The following AGBL4 variants were observed in gnomAD, a reference collection of about 807,000 sequenced individuals.
AGBL4 encodes AGBL carboxypeptidase 4, also known as cytosolic carboxypeptidase 6.
AGBL4 carries 58 observed loss-of-function variants against 66.4 expected under a neutral mutation model. The observed-to-expected ratio is 0.87, with a 90% CI of 0.71 to 1.09. AGBL4 has a LOEUF of 1.09. AGBL4 is among the 50% of genes least tolerant of loss of function. The pLI, the probability that AGBL4 is intolerant of heterozygous loss-of-function variation, is 0.00. For missense variants in AGBL4, 579 were observed against 631.0 expected, an observed-to-expected ratio of 0.92 and a Z score of 0.88; for synonymous variants, 234 against 222.9, an observed-to-expected ratio of 1.05 and a Z score of -0.44.
intron 2 of AGBL4, among the ~76,000 whole-genome samples, chr1:49,823,350 A>G (rs1369018833): frequency 6.6e-6 from 1 of 152,184 alleles, no homozygotes; most frequent in Non-Finnish European, 1.5e-5. Context: ...AAGTAACACC[A>G]TCAACATTGA....
At chr1:49,373,891 A>C (rs186704567) in intron 3 of AGBL4, among the ~76,000 whole-genome samples, 21 of 152,260 alleles carry the variant, frequency 1.4e-4, no homozygotes, top group Non-Finnish European at 2.2e-4. Context: ...GGCCCGGTAT[A>C]TGGTATTGGG....
chr1:49,952,119 C>T (rs1656211147), intron 1 of AGBL4, among the ~76,000 whole-genome samples: 1 of 151,544 alleles, frequency 6.6e-6, no homozygotes, highest in African/African-American at 2.4e-5. Flanking sequence ...TATTTAATGC[C>T]ACTGAATTTC....
chr1:49,060,749 G>T (rs1474519952), intron 4 of AGBL4, among the ~76,000 whole-genome samples: 2 of 152,092 alleles, frequency 1.3e-5, no homozygotes, highest in Admixed American at 6.5e-5. Context: ...ACAATATAGA[G>T]CCCTATCTGA....
intron 1 of AGBL4, among the ~76,000 whole-genome samples, chr1:50,008,183 A>G (rs1014202440): frequency 2.6e-5 from 4 of 152,256 alleles, no homozygotes; most frequent in Admixed American, 6.5e-5. Flanking sequence ...ACAGATATTT[A>G]CAGAACATTT....
chr1:49,820,070 T>A (rs1484339473), intron 2 of AGBL4, among the ~76,000 whole-genome samples: 1 of 152,142 alleles, frequency 6.6e-6, no homozygotes, highest in African/African-American at 2.4e-5. Context: ...ACTTCCCACA[T>A]TCAAGGAGTT....
At chr1:48,900,207 G>C (rs1651949073) in intron 5 of AGBL4, among the ~76,000 whole-genome samples, 1 of 152,124 alleles carries the variant, frequency 6.6e-6, no homozygotes, top group African/African-American at 2.4e-5. Flanking sequence ...TGAGGCTAGA[G>C]AGGAGAGAAG....
intron 4 of AGBL4, among the ~76,000 whole-genome samples, chr1:49,160,768 G>A (rs1284301163): frequency 6.6e-6 from 1 of 152,168 alleles, no homozygotes; most frequent in Non-Finnish European, 1.5e-5. Flanking sequence ...GGAATCCAGA[G>A]AGGCAGTCTG....
chr1:48,698,216 C>T (rs995095275), intron 6 of AGBL4, among the ~76,000 whole-genome samples: 42 of 152,252 alleles, frequency 2.8e-4, no homozygotes, highest in African/African-American at 9.6e-4. Context: ...GGCTTGGGGC[C>T]AGTCCAAGAA....
chr1:49,375,958 C>G (rs1050254191), intron 3 of AGBL4, among the ~76,000 whole-genome samples: 1 of 152,120 alleles, frequency 6.6e-6, no homozygotes, highest in Non-Finnish European at 1.5e-5. Flanking sequence ...CAAGATCCCA[C>G]TCTCACTCCC....
At chr1:48,931,318 C>T (rs1655018539) in intron 5 of AGBL4, among the ~76,000 whole-genome samples, 1 of 152,126 alleles carries the variant, frequency 6.6e-6, no homozygotes, top group Non-Finnish European at 1.5e-5. Context: ...ATTCTTTCAG[C>T]CATAAAAATG....
intron 5 of AGBL4, among the ~76,000 whole-genome samples, chr1:48,994,209 C>G (rs938416656): frequency 6.6e-6 from 1 of 152,202 alleles, no homozygotes; most frequent in Non-Finnish European, 1.5e-5. Flanking sequence ...TTTCACACCT[C>G]TATACCTGTG....
At chr1:48,866,900 G>T (rs754335862) in intron 6 of AGBL4, among the ~76,000 whole-genome samples, 5 of 152,118 alleles carry the variant, frequency 3.3e-5, no homozygotes, top group Non-Finnish European at 5.9e-5. Context: ...TCCTTGACAC[G>T]TGGGTCCAAT....
At chr1:49,556,144 T>G (rs150105776) in intron 3 of AGBL4, among the ~76,000 whole-genome samples, 12,337 of 152,000 alleles carry the variant, frequency 0.081, 714 homozygotes, top group African/African-American at 0.17. Flanking sequence ...GTCCAACAAT[T>G]ATAGACTGGA....
intron 3 of AGBL4, among the ~76,000 whole-genome samples, chr1:49,590,307 A>G (rs1214860158): frequency 2.0e-5 from 3 of 151,994 alleles, no homozygotes; most frequent in Non-Finnish European, 4.4e-5. Context: ...CATCAATAAA[A>G]CCGAGAATAT....
At position 49,040,697 on chromosome 1, in the gene AGBL4, C is replaced by T. The variant is rs543298105; in HGVS notation, c.594+4887G>A. The stretch of plus-strand genomic sequence containing the variant: ...ACGGTGCTAAGTGAAAAATGCAAGA[C>T]GCATAAGATTCTGTTTTGAAATGTT... On this transcript the variant is annotated intron_variant, in intron 5 of 13. Coordinates refer to ENST00000371839, the MANE Select transcript of AGBL4 (RefSeq NM_032785.4). 5.4e-4 allele frequency among the ~76,000 whole-genome samples: 82 copies of T among 152,064 alleles called. 2 individuals carry two copies. Among genetic ancestry groups the T allele is most frequent in the African/African-American group, 1.8e-3 (74 of 41,510 alleles).
At chr1:49,509,833 GA>G (rs1649045925) in intron 3 of AGBL4, among the ~76,000 whole-genome samples, 1 of 151,934 alleles carries the variant, frequency 6.6e-6, no homozygotes, top group Non-Finnish European at 1.5e-5. Context: ...AATGTTGTGG[GA>G]AAAATAAAGT....
At chr1:48,686,033 G>T (rs764653621) in intron 6 of AGBL4, among the ~76,000 whole-genome samples, 6 of 152,148 alleles carry the variant, frequency 3.9e-5, no homozygotes, top group Non-Finnish European at 8.8e-5. Context: ...TGACTTTTAT[G>T]TAACTGTTTC....
At chr1:49,966,231 C>T (rs1210843879) in intron 1 of AGBL4, among the ~76,000 whole-genome samples, 1 of 152,024 alleles carries the variant, frequency 6.6e-6, no homozygotes, top group Non-Finnish European at 1.5e-5. Context: ...TGTGAGCCAC[C>T]GTGCCTGGCC....
chr1:48,759,355 C>T, intron 6 of AGBL4: 1 of 1,499,994 alleles, frequency 6.7e-7, no homozygotes, highest in Non-Finnish European at 8.9e-7. Context: ...ATCAATATTT[C>T]CCCAGACAAT....
Sources: gnomAD v4.1 joint callset for allele counts (sites outside exome capture counted in the v4.1 genomes callset) on GRCh38, gnomAD v4.1.1 for gene constraint, MANE v1.5 for transcripts, NCBI Gene and HGNC (gene_info 2026-07-23, HGNC 2026-07-21) for gene names.